Variants in VRK2 observed in about 807,000 individuals in gnomAD.
VRK2 encodes the protein VRK serine/threonine kinase 2, also known as serine/threonine-protein kinase VRK2.
VRK2 carries 60 observed loss-of-function variants against 57.6 expected under a neutral mutation model. The ratio of observed to expected loss-of-function variants is 1.04; its 90% CI spans 0.85 to 1.29. The LOEUF is 1.29. VRK2 is among the 50% of genes most tolerant of loss of function. The probability of loss-of-function intolerance (pLI) is 0.00; values close to 1 mark genes in which losing one functional copy is unlikely to be tolerated. For synonymous variants in VRK2, 231 were observed against 199.2 expected, an observed-to-expected ratio of 1.16 and a Z score of -1.35; for missense variants, 705 against 588.1, an observed-to-expected ratio of 1.20 and a Z score of -2.06.
intron 2 of VRK2, among the ~76,000 whole-genome samples, chr2:58,051,589 G>A (rs1215659802): frequency 2.6e-5 from 4 of 152,164 alleles, no homozygotes. Flanking sequence ...TGTGTCCAGT[G>A]ACATTCATTT....
At chr2:57,941,888 T>C (rs1292497633) in intron 1 of VRK2, among the ~76,000 whole-genome samples, 1 of 152,234 alleles carries the variant, frequency 6.6e-6, no homozygotes, top group Non-Finnish European at 1.5e-5. Flanking sequence ...TTAGGGCAAG[T>C]ACATATTCCC....
chr2:58,044,231 G>C (rs141245050), upstream of VRK2, among the ~76,000 whole-genome samples: 3 of 152,050 alleles, frequency 2.0e-5, no homozygotes, highest in Middle Eastern at 3.2e-3. Context: ...CATCTTTGTG[G>C]TCACACGATG....
chr2:58,120,184 C>CTTTT (rs397868874), intron 7 of VRK2, among the ~76,000 whole-genome samples: 973 of 51,702 alleles, frequency 0.019, 3 homozygotes, highest in Non-Finnish European at 0.023. Flanking sequence ...TTTTTCTTTT[C>CTTTT]TTTTTTTTTT....
intron 1 of VRK2, among the ~76,000 whole-genome samples, chr2:57,984,917 A>G (rs1192959004): frequency 1.3e-5 from 2 of 152,200 alleles, no homozygotes; most frequent in East Asian, 3.9e-4. Context: ...AGATATAATT[A>G]AATAGGAATG....
chr2:58,142,280 T>A (rs1191870476), intron 11 of VRK2, among the ~76,000 whole-genome samples: 1 of 151,528 alleles, frequency 6.6e-6, no homozygotes, highest in African/African-American at 2.4e-5. Context: ...CACATTACCC[T>A]AAGAATCTCA....
At chr2:57,935,664 T>C (rs1033148285) in intron 1 of VRK2, among the ~76,000 whole-genome samples, 3 of 151,216 alleles carry the variant, frequency 2.0e-5, no homozygotes, top group African/African-American at 7.3e-5. Context: ...CTGCTCTCAT[T>C]CTCTCCCAAT....
chr2:57,916,411 A>G (rs79696781), intron 1 of VRK2, among the ~76,000 whole-genome samples: 2 of 148,784 alleles, frequency 1.3e-5, no homozygotes, highest in African/African-American at 4.9e-5. Flanking sequence ...GTCTCAGAGA[A>G]AAAAAAAAAA....
intron 7 of VRK2, among the ~76,000 whole-genome samples, chr2:58,110,038 G>T (rs562303754): frequency 2.0e-5 from 3 of 152,030 alleles, no homozygotes; most frequent in Non-Finnish European, 2.9e-5. Context: ...GTAGAACTTG[G>T]GAATATGGCA....
intron 7 of VRK2, among the ~76,000 whole-genome samples, chr2:58,100,049 A>G (rs1389015739): frequency 1.3e-5 from 2 of 152,048 alleles, no homozygotes; most frequent in Non-Finnish European, 2.9e-5. Flanking sequence ...AGTGATCTGG[A>G]AGAAGGAGTT....
chr2:58,073,961 C>T (rs1669714952), intron 2 of VRK2, among the ~76,000 whole-genome samples: 1 of 152,030 alleles, frequency 6.6e-6, no homozygotes, highest in South Asian at 2.1e-4. Context: ...ACCTGCCTTT[C>T]CCAGCCCACG....
intron 1 of VRK2, among the ~76,000 whole-genome samples, chr2:57,936,652 A>G (rs1200869623): frequency 6.6e-6 from 1 of 151,842 alleles, no homozygotes; most frequent in African/African-American, 2.4e-5. Context: ...TATGATAAAT[A>G]AATATTTCCT....
chr2:57,933,135 T>TA, intron 1 of VRK2, among the ~76,000 whole-genome samples: 1 of 152,180 alleles, frequency 6.6e-6, no homozygotes, highest in South Asian at 2.1e-4. Flanking sequence ...CTAAGAAGAA[T>TA]ATGTATTCTG....
chr2:57,917,853 G>C lies in VRK2; in HGVS notation c.-439+10014G>C, dbSNP rs537028642. ...CATATGATAAAGTTTTCTTTATAAAGAGAGAGGATTTACAAGTCACACATG... is the reference window on the plus strand; with the variant it reads ...CATATGATAAAGTTTTCTTTATAAACAGAGAGGATTTACAAGTCACACATG... On this transcript the variant is annotated intron_variant, in intron 1 of 15. Transcript: ENST00000417641. 2.0e-5 allele frequency among the ~76,000 whole-genome samples: 3 copies of C among 152,054 alleles called. No individual in the cohort carries two copies. In the South Asian group the frequency reaches 6.2e-4, roughly 32 times the overall value.
At chr2:58,086,559 C>A in intron 5 of VRK2, 133 bp downstream of exon 5, 1 of 688,674 alleles carries the variant, frequency 1.5e-6, no homozygotes, top group Non-Finnish European at 2.3e-6. Flanking sequence ...GTCTTAGTTT[C>A]TGTGAGTGAG....
At chr2:57,990,574 A>G (rs1280020021) in intron 1 of VRK2, among the ~76,000 whole-genome samples, 1 of 152,210 alleles carries the variant, frequency 6.6e-6, no homozygotes, top group Non-Finnish European at 1.5e-5. Flanking sequence ...CCCTAAGCCT[A>G]ATATTGAAGT....
chr2:57,977,711 C>A (rs1279542318), intron 1 of VRK2, among the ~76,000 whole-genome samples: 1 of 151,118 alleles, frequency 6.6e-6, no homozygotes, highest in African/African-American at 2.5e-5. Flanking sequence ...CCTTTTATTT[C>A]TTTTTCTTGC....
At chr2:57,964,942 A>G (rs1294662928) in intron 1 of VRK2, among the ~76,000 whole-genome samples, 3 of 151,880 alleles carry the variant, frequency 2.0e-5, no homozygotes, top group African/African-American at 4.8e-5. Context: ...ACATGAAGGT[A>G]AAAGCTTGAC....
intron 2 of VRK2, among the ~76,000 whole-genome samples, chr2:58,029,110 A>G (rs909596301): frequency 1.3e-4 from 19 of 151,624 alleles, no homozygotes; most frequent in African/African-American, 4.4e-4. Context: ...GTTATTCAAT[A>G]ATTCCTAAAA....
intron 2 of VRK2, among the ~76,000 whole-genome samples, chr2:58,052,402 C>G (rs1455975728): frequency 2.0e-5 from 3 of 151,972 alleles, no homozygotes; most frequent in African/African-American, 7.3e-5. Flanking sequence ...TGCCTGAGCT[C>G]CATCCAGCCT....
Sources: allele counts gnomAD v4.1 joint callset (sites outside exome capture counted in the v4.1 genomes callset), GRCh38; gene constraint gnomAD v4.1.1; transcripts MANE v1.5; gene names NCBI Gene and HGNC (gene_info 2026-07-23, HGNC 2026-07-21).